TRDMT1: variants seen among roughly 807,000 people sequenced by gnomAD.
The protein encoded by TRDMT1 is tRNA aspartic acid methyltransferase 1, also known as tRNA (cytosine(38)-C(5))-methyltransferase.
A neutral mutation model predicts 51.2 loss-of-function variants in TRDMT1; 49 were observed. That is an observed-to-expected ratio of 0.96 (90% CI 0.76 to 1.21). TRDMT1 has a LOEUF of 1.21. Ranked by LOEUF, TRDMT1 falls within the 50% of genes most tolerant of loss-of-function variation. The pLI, the probability that TRDMT1 is intolerant of heterozygous loss-of-function variation, is 0.00. For missense variants in TRDMT1, 534 were observed against 462.3 expected, an observed-to-expected ratio of 1.16 and a Z score of -1.42; for synonymous variants, 187 against 164.6, an observed-to-expected ratio of 1.14 and a Z score of -1.04.
chr10:17,196,113 A>G (rs1477177275), intron 1 of TRDMT1, among the ~76,000 whole-genome samples: 5 of 152,252 alleles, frequency 3.3e-5, no homozygotes, highest in African/African-American at 9.6e-5. Context: ...TTGGCATGTA[A>G]GTCGTTGAGG....
At position 17,146,815 on chromosome 10, in the gene TRDMT1, T is replaced by C. The variant is rs1838150801; in HGVS notation, c.*2225A>G. Reference sequence around the variant, plus strand: ...AGCATATAGCAGACATTCCATAAAATAACATTTTCCAAATTAATTATGCAT... The same window carrying C: ...AGCATATAGCAGACATTCCATAAAACAACATTTTCCAAATTAATTATGCAT... On this transcript the variant is annotated 3_prime_UTR_variant, in exon 11 of 11. Coordinates refer to ENST00000377799, the MANE Select transcript of TRDMT1 (RefSeq NM_004412.7). 1.0e-6 allele frequency: 1 copy of C among 985,376 alleles called. No individual in the cohort carries two copies. The highest frequency in any genetic ancestry group is 1.2e-6 in the Non-Finnish European group (1 of 829,880). 61.0% of individuals were successfully genotyped at this position (985,376 alleles called of 1,614,324 possible).
In TRDMT1 at chr10:17,141,329, T is replaced by A. The variant is rs569960901; in HGVS notation, c.*7711A>T. On this transcript the variant is annotated 3_prime_UTR_variant, in exon 11 of 11. Transcript: ENST00000377799. Reference sequence around the variant, plus strand: ...GGCATGCACCACCATGCCCGGCTAATTTTTTTGATTTTAGTAGAGACGGGG... The same window carrying A: ...GGCATGCACCACCATGCCCGGCTAAATTTTTTGATTTTAGTAGAGACGGGG... 4.6e-5 allele frequency among the ~76,000 whole-genome samples: 7 copies of A among 152,242 alleles called. No individual in the cohort carries two copies. In the South Asian group the frequency reaches 1.5e-3, roughly 32 times the overall value.
At chr10:17,173,955 A>G (rs1007333100) in intron 2 of TRDMT1, among the ~76,000 whole-genome samples, 1 of 152,038 alleles carries the variant, frequency 6.6e-6, no homozygotes, top group African/African-American at 2.4e-5. Context: ...AGTAGAGACC[A>G]GGTTTTGCTA....
intron 1 of TRDMT1, among the ~76,000 whole-genome samples, chr10:17,188,836 G>A (rs1309427675): frequency 2.6e-5 from 4 of 152,046 alleles, no homozygotes; most frequent in East Asian, 1.9e-4. Context: ...TGATTTCCGC[G>A]AAGTAATCAC....
rs1208663784 is a variant in TRDMT1, at chr10:17,149,135, G to A, written c.1081C>T (p.Pro361Ser). ...CGCTGTTTCACTGTTATCTTCTCAG[G>A]AAATCCTAAAAAGACAAAGAACAAT... ...LLGFPPEFGF[P>S]EKITVKQRYR... is the part of the protein sequence containing the mutation. Residue 361 changes from proline (P) to serine (S), a missense_variant, in exon 11 of 11, where the codon CCT becomes TCT. By Grantham distance (74) the Pro-to-Ser change is moderately conservative. Coordinates refer to ENST00000377799, the MANE Select transcript of TRDMT1 (RefSeq NM_004412.7). The A allele has an allele frequency of 7.5e-6, 12 of 1,605,806 alleles. No homozygotes were observed. The highest frequency in any genetic ancestry group is 1.3e-5 in the African/African-American group (1 of 74,732).
At chr10:17,157,365 G>A in intron 8 of TRDMT1, 76 bp downstream of exon 8, 2 of 1,337,260 alleles carry the variant, frequency 1.5e-6, no homozygotes, top group East Asian at 2.4e-5. Flanking sequence ...CTTGTTTTTA[G>A]AAGAACTTAA....
At chr10:17,160,628 G>A (rs1223161365) in intron 5 of TRDMT1, among the ~76,000 whole-genome samples, 1 of 151,844 alleles carries the variant, frequency 6.6e-6, no homozygotes, top group South Asian at 2.1e-4. Context: ...CCACCACCAC[G>A]CCTGGCTAAT....
chr10:17,192,748 T>C (rs1256340946), intron 1 of TRDMT1, among the ~76,000 whole-genome samples: 2 of 152,190 alleles, frequency 1.3e-5, no homozygotes, highest in Non-Finnish European at 2.9e-5. Context: ...AAAGATGTTG[T>C]GTGGAGAGTT....
intron 1 of TRDMT1, among the ~76,000 whole-genome samples, chr10:17,180,494 T>C (rs957923311): frequency 1.4e-5 from 2 of 146,030 alleles, no homozygotes; most frequent in Admixed American, 6.9e-5. Flanking sequence ...GAGCCGAGAT[T>C]GCGCCACTTC....
chr10:17,145,107 T>A lies in TRDMT1; in HGVS notation c.*3933A>T. 1 of 578,800 alleles carries A rather than the reference T, an allele frequency of 1.7e-6. No individual in the cohort carries two copies. Among genetic ancestry groups the A allele is most frequent in the Non-Finnish European group, 2.2e-6 (1 of 458,890 alleles). 35.9% of individuals were successfully genotyped at this position (578,800 alleles called of 1,614,324 possible). ...TCTACTAATACAAAAATTAGCTAGG[T>A]GTGGTGGCATGCGCCTGTAATCCCA... On this transcript the variant is annotated 3_prime_UTR_variant, in exon 11 of 11. Transcript: ENST00000377799.
chr10:17,144,345 CCATGCTAGGTA>C lies in TRDMT1; in HGVS notation c.*4684_*4694del. ...CAAATATTTGAAGTAAACACTGAAG[CCATGCTAGGTA>C]CAAGCAAAGAAATGAAAAAACCCTA... is the stretch of plus-strand genomic sequence containing the variant. On this transcript the variant is annotated 3_prime_UTR_variant, in exon 11 of 11. Coordinates refer to ENST00000377799, the MANE Select transcript of TRDMT1 (RefSeq NM_004412.7). The C allele has an allele frequency of 5.1e-6, 5 of 985,344 alleles. No individual in the cohort carries two copies. Among genetic ancestry groups the C allele is most frequent in the Non-Finnish European group, 6.0e-6 (5 of 829,918 alleles). 61.0% of individuals were successfully genotyped at this position (985,344 alleles called of 1,614,324 possible).
chr10:17,146,306 G>C lies in TRDMT1; in HGVS notation c.*2734C>G. On this transcript the variant is annotated 3_prime_UTR_variant, in exon 11 of 11. Coordinates refer to ENST00000377799, the MANE Select transcript of TRDMT1 (RefSeq NM_004412.7). ...TTGGAGGTATTTTCTCATCTTTCCA[G>C]ACATAGGGCAGTGCCCATGGTGAAG... The C allele has an allele frequency of 1.0e-6, 1 of 985,336 alleles. No homozygotes were observed. The highest frequency in any genetic ancestry group is 1.2e-6 in the Non-Finnish European group (1 of 829,920). 61.0% of individuals were successfully genotyped at this position (985,336 alleles called of 1,614,324 possible).
chr10:17,151,488 T>A (rs1264485029), intron 10 of TRDMT1: 2 of 982,286 alleles, frequency 2.0e-6, no homozygotes, highest in Non-Finnish European at 2.4e-6. Context: ...ATGCCCATTT[T>A]TGGACCCAGG....
At position 17,183,575 on chromosome 10, in the gene TRDMT1, G is replaced by C. The variant is rs146508767; in HGVS notation, c.65-8915C>G. Among the ~76,000 whole-genome samples, 785 of 152,002 alleles carry C rather than the reference G, an allele frequency of 5.2e-3. 4 individuals are homozygous for C. The highest frequency in any genetic ancestry group is 0.018 in the African/African-American group (731 of 41,450). On this transcript the variant is annotated intron_variant, in intron 1 of 10. Coordinates refer to ENST00000377799, the MANE Select transcript of TRDMT1 (RefSeq NM_004412.7). The stretch of plus-strand genomic sequence containing the variant: ...TGAGACTACAGGTGTGTGCCACCAC[G>C]CCCGGCTAATTTTTGTATTTTTAGA...
In TRDMT1 at chr10:17,143,790, G is replaced by A; in HGVS notation, c.*5250C>T. On this transcript the variant is annotated 3_prime_UTR_variant, in exon 11 of 11. Transcript: ENST00000377799. ...TGGAATGCAGAGTGAGAAGGAAGGT[G>A]AAGATGATCTTTGGTTATGAAGCTT... is the stretch of plus-strand genomic sequence containing the variant. The A allele has an allele frequency of 2.0e-6, 2 of 985,438 alleles. No homozygotes were observed. The highest frequency in any genetic ancestry group is 4.7e-5 in the South Asian group (1 of 21,288). 61.0% of individuals were successfully genotyped at this position (985,438 alleles called of 1,614,324 possible). A position where few individuals can be genotyped will look rare whatever the true frequency, so the allele number is the denominator to read the frequency against.
chr10:17,165,150 T>C (rs1841002014), intron 3 of TRDMT1, among the ~76,000 whole-genome samples: 1 of 152,176 alleles, frequency 6.6e-6, no homozygotes, highest in Non-Finnish European at 1.5e-5. Flanking sequence ...CAAAACAGCA[T>C]GGTACTGGTA....
chr10:17,158,912 T>C (rs1266245651), intron 7 of TRDMT1, among the ~76,000 whole-genome samples: 1 of 152,144 alleles, frequency 6.6e-6, no homozygotes, highest in Non-Finnish European at 1.5e-5. Context: ...ACTCATTTGT[T>C]TTCTAATGAG....
chr10:17,182,051 T>C (rs552565256), intron 1 of TRDMT1, among the ~76,000 whole-genome samples: 24 of 152,282 alleles, frequency 1.6e-4, no homozygotes, highest in Middle Eastern at 3.4e-3. Flanking sequence ...GGCATGCAAC[T>C]CAAAATAAGC....
intron 1 of TRDMT1, among the ~76,000 whole-genome samples, chr10:17,198,183 T>C (rs1044299265): frequency 2.0e-5 from 3 of 151,960 alleles, no homozygotes; most frequent in Non-Finnish European, 2.9e-5. Context: ...AATATGGAGG[T>C]AGAGGAAACG....
Sources: allele counts gnomAD v4.1 joint callset (sites outside exome capture counted in the v4.1 genomes callset), GRCh38; gene constraint gnomAD v4.1.1; transcripts MANE v1.5; gene names NCBI Gene and HGNC (gene_info 2026-07-23, HGNC 2026-07-21).